Variants in RASGEF1A observed in about 807,000 individuals in gnomAD.
RASGEF1A encodes the protein ras-GEF domain-containing family member 1A.
In RASGEF1A, 18 loss-of-function variants were observed where a neutral mutation model predicts 56.4. That is an observed-to-expected ratio of 0.32 (90% CI 0.22 to 0.47). The LOEUF is 0.47. Among genes scored for constraint, RASGEF1A ranks in the 20% least tolerant of loss-of-function variants. The probability of loss-of-function intolerance (pLI) is 1.00; values close to 1 mark genes in which losing one functional copy is unlikely to be tolerated. For synonymous variants in RASGEF1A, 245 were observed against 242.6 expected (o/e 1.01, Z -0.09); for missense variants, 422 against 627.1 (o/e 0.67, Z 3.49).
intron 1 of RASGEF1A, among the ~76,000 whole-genome samples, chr10:43,210,172 C>T (rs549479004): frequency 3.3e-4 from 51 of 152,320 alleles, no homozygotes; most frequent in Admixed American, 1.0e-3. Context: ...TAAGCTGCAC[C>T]GGCTAACTCA....
intron 3 of RASGEF1A, chr10:43,202,514 T>G: frequency 2.2e-6 from 1 of 447,106 alleles, no homozygotes; most frequent in Non-Finnish European, 4.5e-6. Context: ...GAGGGGACTG[T>G]GCCCGATGCT....
In RASGEF1A at chr10:43,205,961, G is replaced by C. The variant is rs932992539; in HGVS notation, c.156C>G (p.Ala52=). ...CCGTGGGAACAAGGTGCTCCATCAG[G>C]GCCTCCAGGGACCCAGAGATGAGGT... ...DGHLISGSLE[A]LMEHLVPTVD... The change falls in exon 2 of 13, where the codon GCC becomes GCG. Residue 52 remains alanine, a synonymous_variant. Coordinates refer to ENST00000395810, the MANE Select transcript of RASGEF1A (RefSeq NM_145313.4). 8 of 1,613,290 alleles carry C rather than the reference G, an allele frequency of 5.0e-6. No homozygotes were observed. The highest frequency in any genetic ancestry group is 6.8e-6 in the Non-Finnish European group (8 of 1,179,998).
intron 1 of RASGEF1A, among the ~76,000 whole-genome samples, chr10:43,265,022 T>G (rs1836599033): frequency 6.6e-6 from 1 of 152,170 alleles, no homozygotes; most frequent in Non-Finnish European, 1.5e-5. Context: ...CTGGCCACAC[T>G]GTGTCCCAGT....
At chr10:43,220,976 T>A (rs76285332) in intron 1 of RASGEF1A, among the ~76,000 whole-genome samples, 10,158 of 152,068 alleles carry the variant, frequency 0.067, 922 homozygotes, top group African/African-American at 0.2. Context: ...CCAGGGACAC[T>A]CCTGCGGAGG....
chr10:43,228,390 G>A (rs1332200186), intron 1 of RASGEF1A, among the ~76,000 whole-genome samples: 1 of 152,238 alleles, frequency 6.6e-6, no homozygotes, highest in African/African-American at 2.4e-5. Context: ...TGCTGGGGGA[G>A]CAGGACTGTC....
At chr10:43,264,476 C>T (rs925003366) in intron 1 of RASGEF1A, among the ~76,000 whole-genome samples, 18 of 151,744 alleles carry the variant, frequency 1.2e-4, no homozygotes, top group African/African-American at 4.1e-4. Context: ...CCGCACATCA[C>T]ACCCTTGCTA....
intron 1 of RASGEF1A, among the ~76,000 whole-genome samples, chr10:43,223,590 C>A (rs964072034): frequency 1.3e-5 from 2 of 152,138 alleles, no homozygotes; most frequent in African/African-American, 4.8e-5. Flanking sequence ...GTGAAACAAA[C>A]TGGAAGAAGA....
At chr10:43,200,575 G>T in intron 5 of RASGEF1A, 92 bp downstream of exon 5, 1 of 1,157,546 alleles carries the variant, frequency 8.6e-7, no homozygotes, top group Non-Finnish European at 1.2e-6. Context: ...TGATGGCTCA[G>T]TGTGACTAGC....
At chr10:43,210,622 T>C (rs936184488) in intron 1 of RASGEF1A, among the ~76,000 whole-genome samples, 1 of 152,214 alleles carries the variant, frequency 6.6e-6, no homozygotes, top group Non-Finnish European at 1.5e-5. Context: ...ACTGGCATCT[T>C]CCACAGACTT....
intron 1 of RASGEF1A, among the ~76,000 whole-genome samples, chr10:43,238,275 C>T (rs900540331): frequency 6.6e-6 from 1 of 151,948 alleles, no homozygotes; most frequent in Non-Finnish European, 1.5e-5. Flanking sequence ...TGAGACCTGC[C>T]TTCGGGGGTG....
At chr10:43,202,367 G>A (rs1001790342) in intron 3 of RASGEF1A, among the ~76,000 whole-genome samples, 6 of 152,176 alleles carry the variant, frequency 3.9e-5, no homozygotes, top group Non-Finnish European at 5.9e-5. Context: ...GAGGGGAGGC[G>A]ACGCGCTCCC....
chr10:43,201,695 G>C (rs1386445410), intron 4 of RASGEF1A, 113 bp downstream of exon 4: 3 of 1,160,732 alleles, frequency 2.6e-6, no homozygotes, highest in East Asian at 2.7e-5. Context: ...CCCTCCTGGG[G>C]GAGTAACATG....
intron 7 of RASGEF1A, 132 bp downstream of exon 7, chr10:43,199,544 G>C: frequency 2.7e-6 from 2 of 730,462 alleles, no homozygotes; most frequent in Admixed American, 2.1e-5. Flanking sequence ...GGACCACCAA[G>C]GCCCTGACAA....
intron 1 of RASGEF1A, among the ~76,000 whole-genome samples, chr10:43,244,540 T>C (rs1425546697): frequency 6.6e-6 from 1 of 151,138 alleles, no homozygotes; most frequent in Non-Finnish European, 1.5e-5. Context: ...AGAATAGACC[T>C]TATGTTAGGC....
chr10:43,234,260 C>T (rs1187887964), intron 1 of RASGEF1A, among the ~76,000 whole-genome samples: 2 of 152,142 alleles, frequency 1.3e-5, no homozygotes, highest in Non-Finnish European at 2.9e-5. Context: ...TAGAAGCTGT[C>T]GGCACCTCAG....
chr10:43,262,720 C>T (rs750345498), intron 1 of RASGEF1A, among the ~76,000 whole-genome samples: 4 of 152,228 alleles, frequency 2.6e-5, no homozygotes, highest in Non-Finnish European at 4.4e-5. Context: ...CAGGAAAGTT[C>T]AGGAAGGCAC....
intron 10 of RASGEF1A, 63 bp from the exon 11 acceptor site, chr10:43,197,162 G>A: frequency 6.3e-7 from 1 of 1,579,434 alleles, no homozygotes; most frequent in Non-Finnish European, 8.6e-7. Context: ...CTCGGTCAGG[G>A]CAGGGGACGT....
At chr10:43,201,996 C>A in intron 3 of RASGEF1A, 51 bp from the exon 4 acceptor site, 1 of 1,520,244 alleles carries the variant, frequency 6.6e-7, no homozygotes, top group Non-Finnish European at 8.9e-7. Context: ...GAGTAGGGTA[C>A]TAGATGGCAA....
intron 1 of RASGEF1A, among the ~76,000 whole-genome samples, chr10:43,228,420 C>T (rs1051264119): frequency 1.2e-4 from 18 of 152,180 alleles, no homozygotes; most frequent in African/African-American, 4.3e-4. Flanking sequence ...CCGAATGAAA[C>T]GGGGTGGGGC....
Sources: allele counts gnomAD v4.1 joint callset (sites outside exome capture counted in the v4.1 genomes callset), GRCh38; gene constraint gnomAD v4.1.1; transcripts MANE v1.5; gene names NCBI Gene and HGNC (gene_info 2026-07-23, HGNC 2026-07-21).